The following ADARB2 variants were observed in gnomAD, a reference collection of about 807,000 sequenced individuals.
ADARB2 encodes inactive double-stranded RNA-specific editase B2.
Under a neutral mutation model 62.2 loss-of-function variants are expected in ADARB2, and 25 were observed. That is an observed-to-expected ratio of 0.40 (90% CI 0.29 to 0.56). ADARB2 has a LOEUF of 0.56. Among genes scored for constraint, ADARB2 ranks in the 20% least tolerant of loss-of-function variants. ADARB2 has a pLI of 0.43. For missense variants in ADARB2, 1,071 were observed against 1,077.4 expected, an observed-to-expected ratio of 0.99 and a Z score of 0.08; for synonymous variants, 572 against 500.8, an observed-to-expected ratio of 1.14 and a Z score of -1.90.
intron 8 of ADARB2, among the ~76,000 whole-genome samples, chr10:1,197,310 C>T (rs1020818822): frequency 5.9e-5 from 9 of 152,112 alleles, no homozygotes; most frequent in Non-Finnish European, 1.2e-4. Flanking sequence ...ACATAAATGG[C>T]AACAGAGAGA....
chr10:1,710,109 C>T (rs1047272349), intron 1 of ADARB2, among the ~76,000 whole-genome samples: 7 of 152,248 alleles, frequency 4.6e-5, no homozygotes, highest in South Asian at 2.1e-4. Flanking sequence ...CACAGTTGAG[C>T]GGAAAGGGTG....
intron 3 of ADARB2, among the ~76,000 whole-genome samples, chr10:1,328,533 T>C (rs1831898012): frequency 6.6e-6 from 1 of 152,164 alleles, no homozygotes; most frequent in African/African-American, 2.4e-5. Context: ...GTGCAAACAT[T>C]ATTACATACT....
chr10:1,588,966 A>G (rs1833213464), intron 1 of ADARB2, among the ~76,000 whole-genome samples: 1 of 152,136 alleles, frequency 6.6e-6, no homozygotes. Context: ...ACCCTCATCC[A>G]CATTTTAAAA....
intron 6 of ADARB2, among the ~76,000 whole-genome samples, chr10:1,232,368 G>A (rs1230648438): frequency 1.1e-4 from 17 of 151,942 alleles, no homozygotes; most frequent in Non-Finnish European, 2.1e-4. Context: ...TGTGGTCTGT[G>A]TGTGGTGTGT....
chr10:1,704,818 T>C lies in ADARB2; in HGVS notation c.100+32233A>G, dbSNP rs974762642. 1.7e-4 allele frequency among the ~76,000 whole-genome samples: 26 copies of C among 152,268 alleles called. No homozygotes were observed. The highest frequency in any genetic ancestry group is 6.0e-4 in the African/African-American group (25 of 41,542). ...CAAGATGTTAAAGGGGCAGGGAGTA[T>C]TGAGAACGGTGAGCTTGCATATGCC... On this transcript the variant is annotated intron_variant, in intron 1 of 9. Transcript: ENST00000381312. The surrounding 1 kb of genome is among the most constrained non-coding windows in gnomAD (Gnocchi z 5.6).
chr10:1,297,281 G>A (rs1007398035), intron 3 of ADARB2, among the ~76,000 whole-genome samples: 6 of 152,194 alleles, frequency 3.9e-5, no homozygotes, highest in Non-Finnish European at 8.8e-5. Flanking sequence ...CGTAGCCCCC[G>A]TCAGCCGTGG....
intron 4 of ADARB2, among the ~76,000 whole-genome samples, chr10:1,246,783 C>A (rs187055785): frequency 0.033 from 4,969 of 149,436 alleles, 308 homozygotes; most frequent in African/African-American, 0.12. Flanking sequence ...ATGCCTCCAG[C>A]CTTGTTCTTT....
intron 1 of ADARB2, among the ~76,000 whole-genome samples, chr10:1,668,706 A>G (rs1038345146): frequency 3.3e-5 from 5 of 152,168 alleles, no homozygotes; most frequent in Non-Finnish European, 4.4e-5. Context: ...ATGAGAACCA[A>G]TTTTCATAAT....
rs768614342 is a variant in ADARB2, at chr10:1,184,930, C to T, written c.1974G>A (p.Arg658=). 1.9e-6 allele frequency: 3 copies of T among 1,613,814 alleles called. No homozygotes were observed. The highest frequency in any genetic ancestry group is 2.5e-6 in the Non-Finnish European group (3 of 1,180,040). Reference sequence around the variant, plus strand: ...AGAGCCGGGATGGGCCCCCACAGCTCCTCCGCCCAGTGGTGGCGTTGATAA... The same window carrying T: ...AGAGCCGGGATGGGCCCCCACAGCTTCTCCGCCCAGTGGTGGCGTTGATAA... The part of the protein sequence containing the change: ...LEIINATTGR[R]SCGGPSRLCK... The change falls in exon 9 of 10, where the codon AGG becomes AGA. Residue 658 remains arginine, a synonymous_variant. Coordinates refer to ENST00000381312, the MANE Select transcript of ADARB2 (RefSeq NM_018702.4).
intron 1 of ADARB2, among the ~76,000 whole-genome samples, chr10:1,521,443 T>A (rs988007648): frequency 2.6e-5 from 4 of 152,244 alleles, no homozygotes; most frequent in South Asian, 2.1e-4. Flanking sequence ...AGCTTCTGAA[T>A]GCACTTCCTC....
At chr10:1,547,751 G>T (rs1283352551) in intron 1 of ADARB2, among the ~76,000 whole-genome samples, 1 of 141,602 alleles carries the variant, frequency 7.1e-6, no homozygotes, top group Non-Finnish European at 1.5e-5. Flanking sequence ...TACGCACTGT[G>T]TTGGGGGGAG....
rs568885685 is a variant in ADARB2 at position 1,526,138 on chromosome 10, G to A, written c.101-146978C>T. ...GGAAAGCCTTGTTCTAAGGCAGCAG[G>A]GCGGTCTTGCACTTGCGCGGCTGCT... is the stretch of plus-strand genomic sequence containing the variant. On this transcript the variant is annotated intron_variant, in intron 1 of 9. Coordinates refer to ENST00000381312, the MANE Select transcript of ADARB2 (RefSeq NM_018702.4). Among the ~76,000 whole-genome samples, 6 of 152,244 alleles carry A rather than the reference G, an allele frequency of 3.9e-5. No individual in the cohort carries two copies. The South Asian group carries it at 1.2e-3, about 32-fold the overall frequency.
At chr10:1,302,566 C>G (rs1227603819) in intron 3 of ADARB2, among the ~76,000 whole-genome samples, 1 of 151,858 alleles carries the variant, frequency 6.6e-6, no homozygotes, top group Admixed American at 6.5e-5. Context: ...GGCTCCACCT[C>G]TGGGGGCAGG....
intron 3 of ADARB2, among the ~76,000 whole-genome samples, chr10:1,359,973 G>A (rs1832236707): frequency 6.6e-6 from 1 of 152,214 alleles, no homozygotes; most frequent in African/African-American, 2.4e-5. Context: ...ACTTCCCTCC[G>A]GGATGGTTCT....
chr10:1,640,464 A>G (rs1355327187), intron 1 of ADARB2, among the ~76,000 whole-genome samples: 5 of 152,220 alleles, frequency 3.3e-5, no homozygotes, highest in Non-Finnish European at 5.9e-5. Flanking sequence ...CTGCCATTAG[A>G]GGGGCTCCAG....
chr10:1,610,057 T>TTA (rs1564346066), intron 1 of ADARB2, among the ~76,000 whole-genome samples: 3 of 152,066 alleles, frequency 2.0e-5, no homozygotes, highest in Non-Finnish European at 2.9e-5. Flanking sequence ...CATTTTTTTT[T>TTA]TTATTATTAC....
chr10:1,419,907 A>G (rs1832838362), intron 1 of ADARB2, among the ~76,000 whole-genome samples: 1 of 152,282 alleles, frequency 6.6e-6, no homozygotes, highest in African/African-American at 2.4e-5. Context: ...GTTTTGGACT[A>G]GAAATCAGAG....
chr10:1,703,134 G>A (rs1472402603), intron 1 of ADARB2, among the ~76,000 whole-genome samples: 3 of 152,142 alleles, frequency 2.0e-5, no homozygotes, highest in Non-Finnish European at 4.4e-5. Context: ...GCTACACCAG[G>A]GGCTCATCTG....
intron 1 of ADARB2, among the ~76,000 whole-genome samples, chr10:1,466,105 G>A (rs564668310): frequency 2.0e-5 from 3 of 152,342 alleles, no homozygotes; most frequent in Non-Finnish European, 2.9e-5. Flanking sequence ...CCCGTCCATC[G>A]GGTTAAACCC....
Sources: gnomAD v4.1 joint callset for allele counts (sites outside exome capture counted in the v4.1 genomes callset) on GRCh38, gnomAD v4.1.1 for gene constraint, Gnocchi (gnomAD v3.1) non-coding constraint, MANE v1.5 for transcripts, NCBI Gene and HGNC (gene_info 2026-07-23, HGNC 2026-07-21) for gene names.